The following PCDHGB2 variants were observed in gnomAD, a reference collection of about 807,000 sequenced individuals.
PCDHGB2 encodes protocadherin gamma subfamily B, 2.
Under a neutral mutation model 59.3 loss-of-function variants are expected in PCDHGB2, and 55 were observed. The ratio of observed to expected loss-of-function variants is 0.93; its 90% CI spans 0.75 to 1.16. PCDHGB2 has a LOEUF of 1.16. PCDHGB2 is among the 50% of genes most tolerant of loss of function. PCDHGB2 has a pLI of 0.00. For synonymous variants in PCDHGB2, 516 were observed against 512.0 expected (o/e 1.01, Z -0.11); for missense variants, 1,228 against 1,198.5 (o/e 1.02, Z -0.36).
intron 1 of PCDHGB2, chr5:141,421,633 G>C (rs1369645749): frequency 1.9e-6 from 3 of 1,613,716 alleles, no homozygotes; most frequent in Non-Finnish European, 2.5e-6. Context: ...CAGCTTCCAG[G>C]AGGACGAAGT....
intron 1 of PCDHGB2, chr5:141,479,209 A>T (rs1314929824): frequency 6.6e-6 from 1 of 152,432 alleles, no homozygotes; most frequent in African/African-American, 2.4e-5. Context: ...AAAAGTATTT[A>T]AAAAATTAAA....
chr5:141,389,581 G>C, intron 1 of PCDHGB2: 1 of 1,613,202 alleles, frequency 6.2e-7, no homozygotes, highest in East Asian at 2.2e-5. Context: ...CCCGCGCTGG[G>C]TCCCGACGGC....
intron 1 of PCDHGB2, among the ~76,000 whole-genome samples, chr5:141,458,921 C>CG (rs2098956905): frequency 6.6e-6 from 1 of 151,960 alleles, no homozygotes; most frequent in African/African-American, 2.4e-5. Flanking sequence ...TTTGTGGAGA[C>CG]GGGGTCTCAC....
At chr5:141,475,884 G>C (rs998700290) in intron 1 of PCDHGB2, 1 of 557,810 alleles carries the variant, frequency 1.8e-6, no homozygotes, top group Non-Finnish European at 3.2e-6. Flanking sequence ...TATTGGCTGG[G>C]ACTCTGTGTG....
chr5:141,413,157 A>T, intron 1 of PCDHGB2: 2 of 1,578,898 alleles, frequency 1.3e-6, no homozygotes, highest in Non-Finnish European at 1.7e-6. Flanking sequence ...ACTTTGCAGA[A>T]TTCTGTAACC....
At chr5:141,473,169 C>T (rs141382764) in intron 1 of PCDHGB2, among the ~76,000 whole-genome samples, 2 of 152,286 alleles carry the variant, frequency 1.3e-5, no homozygotes, top group East Asian at 3.9e-4. Context: ...GGAAGGCCCA[C>T]TGGTAACTTG....
intron 1 of PCDHGB2, among the ~76,000 whole-genome samples, chr5:141,447,898 C>T (rs531933709): frequency 3.1e-3 from 465 of 152,088 alleles, no homozygotes; most frequent in Non-Finnish European, 5.5e-3. Context: ...CCAGCCTGGC[C>T]AACATGGTGA....
At chr5:141,465,657 G>A (rs904553709) in intron 1 of PCDHGB2, among the ~76,000 whole-genome samples, 4 of 152,130 alleles carry the variant, frequency 2.6e-5, no homozygotes, top group East Asian at 1.9e-4. Flanking sequence ...CCAAAAAAGC[G>A]CTTGCCATGA....
At chr5:141,394,101 C>A (rs753056702) in intron 1 of PCDHGB2, 7 of 1,613,944 alleles carry the variant, frequency 4.3e-6, no homozygotes, top group Middle Eastern at 1.6e-4. Flanking sequence ...TCTAGGAACA[C>A]CACCTCTGTC....
At chr5:141,409,868 A>G in intron 1 of PCDHGB2, 2 of 1,612,688 alleles carry the variant, frequency 1.2e-6, no homozygotes, top group South Asian at 1.1e-5. Context: ...GGGAGACCGC[A>G]ATGACAACGC....
intron 1 of PCDHGB2, among the ~76,000 whole-genome samples, chr5:141,464,301 T>A (rs1237581605): frequency 6.6e-6 from 1 of 150,782 alleles, no homozygotes; most frequent in Non-Finnish European, 1.5e-5. Flanking sequence ...CTCCATTGTA[T>A]GTGCACATAT....
At chr5:141,433,866 T>C (rs1191114798) in intron 1 of PCDHGB2, among the ~76,000 whole-genome samples, 1 of 151,870 alleles carries the variant, frequency 6.6e-6, no homozygotes, top group African/African-American at 2.4e-5. Context: ...CTTTATCCTC[T>C]AGTTTCATCC....
chr5:141,429,450 A>G (rs1326036711), intron 1 of PCDHGB2, among the ~76,000 whole-genome samples: 1 of 152,114 alleles, frequency 6.6e-6, no homozygotes, highest in East Asian at 1.9e-4. Context: ...CTTGGGCTAC[A>G]GTAATCCTCC....
chr5:141,362,367 T>A lies in PCDHGB2; in HGVS notation c.2232T>A (p.Ser744Arg). The stretch of plus-strand genomic sequence containing the variant: ...GACCTGGGGTTCTCCCCAATTACAG[T>A]GAGGGTACATTGCCCTATTCCTACA... ...KPGPGVLPNY[S>R]EGTLPYSYNL... The change falls in exon 1 of 4, where the codon AGT (serine) becomes AGA (arginine). Residue 744 changes from serine to arginine, a missense_variant. Transcript: ENST00000522605. 6.2e-7 allele frequency: 1 copy of A among 1,614,012 alleles called. No individual in the cohort carries two copies. The highest frequency in any genetic ancestry group is 8.5e-7 in the Non-Finnish European group (1 of 1,179,890).
In PCDHGB2 at chr5:141,361,118, C is replaced by T; in HGVS notation, c.983C>T (p.Ala328Val). The change falls in exon 1 of 4, where the codon GCA becomes GTA. Residue 328 changes from alanine to valine, a missense_variant. Around this residue, in one of 3 missense-constraint regions of PCDHGB2, gnomAD observed 781 missense variants for 721.6 expected, o/e 1.08. Transcript: ENST00000522605. ...GAAGCAAAAGATCCTGGAGATCTAG[C>T]AGCCCACTGCAGTATCCAAGTTGAA... ...SIEAKDPGDL[A>V]AHCSIQVEIL... The T allele has an allele frequency of 1.2e-6, 2 of 1,614,006 alleles. No individual in the cohort carries two copies. Among genetic ancestry groups the T allele is most frequent in the Non-Finnish European group, 8.5e-7 (1 of 1,179,898 alleles).
intron 1 of PCDHGB2, chr5:141,423,477 C>T (rs376147466): frequency 1.5e-5 from 24 of 1,613,872 alleles, no homozygotes; most frequent in Non-Finnish European, 1.9e-5. Flanking sequence ...TACAGGCTTT[C>T]CTGCAAACCT....
At chr5:141,466,077 A>G (rs1220036084) in intron 1 of PCDHGB2, among the ~76,000 whole-genome samples, 2 of 152,108 alleles carry the variant, frequency 1.3e-5, no homozygotes, top group Non-Finnish European at 2.9e-5. Context: ...AGCTGATATC[A>G]TGCCACTGCA....
chr5:141,366,774 G>A, intron 1 of PCDHGB2: 1 of 1,595,562 alleles, frequency 6.3e-7, no homozygotes, highest in East Asian at 2.2e-5. Context: ...TTTCGGTAAG[G>A]ATGACCAGAA....
chr5:141,376,417 G>A (rs750081761), intron 1 of PCDHGB2: 30 of 1,614,148 alleles, frequency 1.9e-5, no homozygotes, highest in Non-Finnish European at 2.5e-5. Context: ...ATGCCGACAC[G>A]CTTATCAACC....
Sources: gnomAD v4.1 joint callset for allele counts (sites outside exome capture counted in the v4.1 genomes callset) on GRCh38, gnomAD v4.1.1 for gene constraint, gnomAD v4.1.1 regional missense constraint, MANE v1.5 for transcripts, NCBI Gene and HGNC (gene_info 2026-07-23, HGNC 2026-07-21) for gene names.